PLA2G2F: variants seen among roughly 807,000 people sequenced by gnomAD.
PLA2G2F encodes the protein phospholipase A2 group IIF.
A neutral mutation model predicts 15.9 loss-of-function variants in PLA2G2F; 17 were observed. The ratio of observed to expected loss-of-function variants is 1.07; its 90% CI spans 0.73 to 1.60. PLA2G2F has a LOEUF of 1.60. Among genes scored for constraint, PLA2G2F ranks in the 40% most tolerant of loss-of-function variants. The pLI, the probability that PLA2G2F is intolerant of heterozygous loss-of-function variation, is 0.00. For synonymous variants in PLA2G2F, 119 were observed against 106.5 expected (o/e 1.12, Z -0.72); for missense variants, 299 against 278.2 (o/e 1.07, Z -0.53).
In PLA2G2F at chr1:20,143,513, C is replaced by T. The variant is rs776838854; in HGVS notation, c.237C>T (p.Ser79=). 2.0e-5 allele frequency: 32 copies of T among 1,613,918 alleles called. No individual in the cohort carries two copies. Among genetic ancestry groups the T allele is most frequent in the Non-Finnish European group, 2.4e-5 (28 of 1,179,978 alleles). ...KAMVEAVTGR[S]AILSFVGYGC... ...TGGTGGAGGCCGTCACAGGGAGGAG[C>T]GCCATCCTGTCCTTCGTGGGCTACG... Residue 79 remains serine, a synonymous_variant, in exon 3 of 5, where the codon AGC becomes AGT. Coordinates refer to ENST00000375102, the MANE Select transcript of PLA2G2F (RefSeq NM_022819.4).
chr1:20,140,143 C>T lies in PLA2G2F; in HGVS notation c.117-23C>T, dbSNP rs1007855247. ...CAAGGGTGGAGGGGATGGACTCAAGCTCCGGGTTTCGTCCTCCCTCAGGTC... is the reference window on the plus strand; with the variant it reads ...CAAGGGTGGAGGGGATGGACTCAAGTTCCGGGTTTCGTCCTCCCTCAGGTC... On this transcript the variant is annotated intron_variant, in intron 1 of 4. Transcript: ENST00000375102. The T allele has an allele frequency of 2.5e-6, 4 of 1,612,768 alleles. No individual in the cohort carries two copies. In the South Asian group the frequency reaches 3.3e-5, roughly 13 times the overall value.
intron 1 of PLA2G2F, 128 bp from the exon 2 acceptor site, chr1:20,140,038 G>A: frequency 1.0e-6 from 1 of 979,510 alleles, no homozygotes. Flanking sequence ...AGCGCTAGGA[G>A]CAGCAACTAG....
intron 2 of PLA2G2F, chr1:20,141,022 A>T (rs1013389748): frequency 6.6e-6 from 1 of 152,232 alleles, no homozygotes; most frequent in African/African-American, 2.4e-5. Context: ...TGAGGAAAAG[A>T]AATAAATGAC....
chr1:20,141,751 A>G (rs2017479142), intron 2 of PLA2G2F: 1 of 151,936 alleles, frequency 6.6e-6, no homozygotes, highest in Admixed American at 6.6e-5. Flanking sequence ...TCACACTTCA[A>G]CCTCCAAGGT....
At chr1:20,139,629 TA>T in intron 1 of PLA2G2F, 86 bp downstream of exon 1, 1 of 1,061,560 alleles carries the variant, frequency 9.4e-7, no homozygotes, top group South Asian at 1.7e-5. Flanking sequence ...CCCTTTCTCC[TA>T]AGAGTCCACG....
In PLA2G2F at chr1:20,140,216, G is replaced by C; in HGVS notation, c.167G>C (p.Ser56Thr). 6.2e-7 allele frequency: 1 copy of C among 1,613,814 alleles called. No homozygotes were observed. Among genetic ancestry groups the C allele is most frequent in the South Asian group, 1.1e-5 (1 of 91,040 alleles). Reference sequence around the variant, plus strand: ...TTCACCGTGGCCATCCTTGCTGGCAGCGGTGAGTAAAGACTCCAGAGGGCT... The same window carrying C: ...TTCACCGTGGCCATCCTTGCTGGCACCGGTGAGTAAAGACTCCAGAGGGCT... ...KFFTVAILAG[S>T]VLSTAHGSLL... is the part of the protein sequence containing the mutation. Residue 56 changes from serine to threonine, a missense_variant and splice_region_variant, in exon 2 of 5, where the codon AGC (serine) becomes ACC (threonine). Ser to Thr is a moderately conservative substitution (Grantham distance 58). Transcript: ENST00000375102.
intron 3 of PLA2G2F, chr1:20,144,070 T>G (rs1259410011): frequency 1.1e-5 from 2 of 182,006 alleles, no homozygotes; most frequent in East Asian, 1.5e-4. Flanking sequence ...AAATACACAT[T>G]GACTAGCTGA....
intron 4 of PLA2G2F, among the ~76,000 whole-genome samples, chr1:20,145,478 C>G (rs2017570419): frequency 6.6e-6 from 1 of 151,930 alleles, no homozygotes; most frequent in African/African-American, 2.4e-5. Context: ...TACAGGGTTT[C>G]ACCATGTTGG....
intron 4 of PLA2G2F, among the ~76,000 whole-genome samples, 170 bp from the exon 5 acceptor site, chr1:20,148,020 C>G (rs189724674): frequency 2.1e-3 from 317 of 152,208 alleles, no homozygotes; most frequent in African/African-American, 7.0e-3. Flanking sequence ...AGCTGCTGAC[C>G]TTGTAAGCGT....
chr1:20,147,032 T>C (rs944660383), intron 4 of PLA2G2F, among the ~76,000 whole-genome samples: 11 of 152,210 alleles, frequency 7.2e-5, no homozygotes, highest in Admixed American at 2.0e-4. Context: ...TGGGGCCGTC[T>C]GATGCATCAG....
intron 1 of PLA2G2F, 113 bp downstream of exon 1, chr1:20,139,656 C>A: frequency 1.3e-6 from 1 of 786,154 alleles, no homozygotes; most frequent in Non-Finnish European, 2.0e-6. Flanking sequence ...GGCAGAACCC[C>A]AAAGGGATCA....
In PLA2G2F at chr1:20,143,542, G is replaced by A; in HGVS notation, c.266G>A (p.Cys89Tyr). 1.2e-6 allele frequency: 2 copies of A among 1,614,092 alleles called. No individual in the cohort carries two copies. The highest frequency in any genetic ancestry group is 1.7e-6 in the Non-Finnish European group (2 of 1,179,970). ...ATCCTGTCCTTCGTGGGCTACGGTT[G>A]CTACTGTGGGCTGGGGGGCCGTGGC... is the stretch of plus-strand genomic sequence containing the variant. ...SAILSFVGYG[C>Y]YCGLGGRGQP... Residue 89 changes from cysteine (C) to tyrosine (Y), a missense_variant, in exon 3 of 5, where the codon TGC becomes TAC. By Grantham distance (194) the Cys-to-Tyr change is radical. Transcript: ENST00000375102.
Position 20,144,694 on chromosome 1 carries a change from G to A in PLA2G2F, c.424+5G>A, listed in dbSNP as rs539064072. On this transcript the variant is annotated splice_donor_5th_base_variant and intron_variant, in intron 4 of 4. Coordinates refer to ENST00000375102, the MANE Select transcript of PLA2G2F (RefSeq NM_022819.4). ...ACAACACTGAGATAGTCTGCAGTGAGTCCCTCCCCTGTCACCTGGGCCCCC... is the reference window on the plus strand; with the variant it reads ...ACAACACTGAGATAGTCTGCAGTGAATCCCTCCCCTGTCACCTGGGCCCCC... 2 of 1,590,100 alleles carry A rather than the reference G, an allele frequency of 1.3e-6. No individual in the cohort carries two copies. The highest frequency in any genetic ancestry group is 1.7e-6 in the Non-Finnish European group (2 of 1,165,424).
rs1569907480 is a variant in PLA2G2F, at chr1:20,149,979, T to G, written c.*1578T>G. 6.6e-6 allele frequency: 1 copy of G among 151,584 alleles called. No homozygotes were observed. The highest frequency in any genetic ancestry group is 1.5e-5 in the Non-Finnish European group (1 of 68,028). 9.4% of individuals were successfully genotyped at this position (151,584 alleles called of 1,614,324 possible). On this transcript the variant is annotated 3_prime_UTR_variant, in exon 5 of 5. Transcript: ENST00000375102. ...GCTGGGGAGGGAGAGCCGGGAAGGG[T>G]GGAGAAGGAGGCAGAAGGGACATGT...
intron 4 of PLA2G2F, among the ~76,000 whole-genome samples, chr1:20,144,993 C>T (rs186192581): frequency 6.6e-6 from 1 of 152,248 alleles, no homozygotes; most frequent in East Asian, 1.9e-4. Flanking sequence ...ACGAGAACCA[C>T]TTTGAACTTG....
chr1:20,143,472 C>A lies in PLA2G2F; in HGVS notation c.196C>A (p.Leu66Ile). Residue 66 changes from leucine (L) to isoleucine (I), a missense_variant, in exon 3 of 5, where the codon CTC becomes ATC. Coordinates refer to ENST00000375102, the MANE Select transcript of PLA2G2F (RefSeq NM_022819.4). ...TCTGTCCACAGCTCACGGCAGCCTG[C>A]TCAACCTGAAGGCCATGGTGGAGGC... is the stretch of plus-strand genomic sequence containing the variant. ...SVLSTAHGSL[L>I]NLKAMVEAVT... The A allele has an allele frequency of 6.2e-7, 1 of 1,614,052 alleles. No homozygotes were observed. Among genetic ancestry groups the A allele is most frequent in the Non-Finnish European group, 8.5e-7 (1 of 1,179,942 alleles).
intron 2 of PLA2G2F, chr1:20,143,065 C>G (rs1015073558): frequency 6.0e-6 from 1 of 165,372 alleles, no homozygotes; most frequent in African/African-American, 2.4e-5. Context: ...ACTAAATGCA[C>G]TGGGCCTCAG....
chr1:20,146,611 C>CT (rs1321251880), intron 4 of PLA2G2F, among the ~76,000 whole-genome samples: 2 of 152,256 alleles, frequency 1.3e-5, no homozygotes, highest in African/African-American at 4.8e-5. Flanking sequence ...GCCCCCATGT[C>CT]TTCACCTGGT....
chr1:20,149,637 G>A lies in PLA2G2F; in HGVS notation c.*1236G>A, dbSNP rs769021920. ...GGAGAAGATGGGAGCATGGAGAGAC[G>A]AGGTGAGTGACAGCCACCAGCAGGG... On this transcript the variant is annotated 3_prime_UTR_variant, in exon 5 of 5. Coordinates refer to ENST00000375102, the MANE Select transcript of PLA2G2F (RefSeq NM_022819.4). 3 of 153,046 alleles carry A rather than the reference G, an allele frequency of 2.0e-5. No homozygotes were observed. The highest frequency in any genetic ancestry group is 2.1e-4 in the South Asian group (1 of 4,850). 9.5% of individuals were successfully genotyped at this position (153,046 alleles called of 1,614,324 possible).
Sources: gnomAD v4.1 joint callset for allele counts (sites outside exome capture counted in the v4.1 genomes callset) on GRCh38, gnomAD v4.1.1 for gene constraint, MANE v1.5 for transcripts, NCBI Gene and HGNC (gene_info 2026-07-23, HGNC 2026-07-21) for gene names.